The following SH3BP5 variants were observed in gnomAD, a reference collection of about 807,000 sequenced individuals.
SH3BP5 encodes SH3 domain binding protein 5.
Under a neutral mutation model 43.3 loss-of-function variants are expected in SH3BP5, and 22 were observed. The observed-to-expected ratio is 0.51, with a 90% confidence interval of 0.36 to 0.73. The LOEUF (loss-of-function observed/expected upper bound fraction) is 0.73. Ranked by LOEUF, SH3BP5 falls within the 30% of genes least tolerant of loss-of-function variation. SH3BP5 has a pLI of 0.00. For missense variants in SH3BP5, 529 were observed against 586.9 expected (o/e 0.90, Z 1.02); for synonymous variants, 255 against 225.8 (o/e 1.13, Z -1.16).
intron 4 of SH3BP5, among the ~76,000 whole-genome samples, chr3:15,265,561 A>ACACAC (rs1553613901): frequency 5.6e-4 from 25 of 44,498 alleles, no homozygotes; most frequent in Admixed American, 3.2e-3. Context: ...CACACACACA[A>ACACAC]CCCTCCAGCT....
chr3:15,337,865 A>C (rs1698720303), intron 1 of SH3BP5, among the ~76,000 whole-genome samples: 2 of 141,390 alleles, frequency 1.4e-5, no homozygotes, highest in African/African-American at 5.4e-5. Context: ...CAGTGAACTA[A>C]GGAAGTGCCA....
rs28529222 is a variant in SH3BP5, at chr3:15,261,636, G to A, written c.626+523C>T. On this transcript the variant is annotated intron_variant, in intron 5 of 8. Coordinates refer to ENST00000383791, the MANE Select transcript of SH3BP5 (RefSeq NM_004844.5). Reference sequence around the variant, plus strand: ...TGTCCCCAAGAGAGGGTACACAGTTGTGCCTGCCCACCATTATCAATGTTG... The same window carrying A: ...TGTCCCCAAGAGAGGGTACACAGTTATGCCTGCCCACCATTATCAATGTTG... Among the ~76,000 whole-genome samples, 1,513 of 151,990 alleles carry A rather than the reference G, an allele frequency of 1.0e-2. 20 individuals carry two copies. The highest frequency in any genetic ancestry group is 0.035 in the African/African-American group (1,435 of 41,432).
intron 3 of SH3BP5, among the ~76,000 whole-genome samples, chr3:15,274,942 G>A (rs544265987): frequency 1.7e-4 from 26 of 152,302 alleles, no homozygotes; most frequent in African/African-American, 6.3e-4. Flanking sequence ...ATGAGCAACA[G>A]CCTCCATGAT....
At chr3:15,314,894 C>A (rs1698148699) in intron 2 of SH3BP5, among the ~76,000 whole-genome samples, 2 of 152,154 alleles carry the variant, frequency 1.3e-5, no homozygotes, top group African/African-American at 4.8e-5. Flanking sequence ...TCAGCCAGAC[C>A]TGCTACTTCC....
At chr3:15,258,174 T>G (rs1696291741) in intron 7 of SH3BP5, 1 of 152,196 alleles carries the variant, frequency 6.6e-6, no homozygotes, top group African/African-American at 2.4e-5. Flanking sequence ...CGACAGGGAT[T>G]ATTGCACAGG....
At chr3:15,316,923 T>G (rs542372910) in intron 2 of SH3BP5, among the ~76,000 whole-genome samples, 1 of 152,358 alleles carries the variant, frequency 6.6e-6, no homozygotes, top group Non-Finnish European at 1.5e-5. Context: ...GGGGACCCAG[T>G]GCTTTTTCAT....
chr3:15,329,731 G>A (rs913993869), intron 2 of SH3BP5, among the ~76,000 whole-genome samples: 3 of 152,208 alleles, frequency 2.0e-5, no homozygotes, highest in African/African-American at 4.8e-5. Context: ...GGGAAACTGC[G>A]CTGAGAGTCC....
At chr3:15,274,640 C>A (rs1192732421) in intron 3 of SH3BP5, among the ~76,000 whole-genome samples, 2 of 152,160 alleles carry the variant, frequency 1.3e-5, no homozygotes, top group Non-Finnish European at 2.9e-5. Flanking sequence ...ACTACAGGTC[C>A]ATGCCACCAC....
rs1375017277 is a variant in SH3BP5 at position 15,254,789 on chromosome 3, AG to A, written c.*1296del. The A allele has an allele frequency of 6.6e-6, 1 of 152,222 alleles. No individual in the cohort carries two copies. The highest frequency in any genetic ancestry group is 2.4e-5 in the African/African-American group (1 of 41,460). 9.4% of individuals were successfully genotyped at this position (152,222 alleles called of 1,614,324 possible). Reference sequence around the variant, plus strand: ...ACTCCATGCTCTTCCTTATGGAAAAAGGGTTGCCTAGAAGATTTAGGCAATA... The same window carrying A: ...ACTCCATGCTCTTCCTTATGGAAAAAGGTTGCCTAGAAGATTTAGGCAATA... On this transcript the variant is annotated 3_prime_UTR_variant, in exon 9 of 9. Coordinates refer to ENST00000383791, the MANE Select transcript of SH3BP5 (RefSeq NM_004844.5).
chr3:15,287,317 T>C (rs1697292299), intron 3 of SH3BP5, among the ~76,000 whole-genome samples: 2 of 152,224 alleles, frequency 1.3e-5, no homozygotes, highest in Admixed American at 6.5e-5. Flanking sequence ...CCCATGCACA[T>C]GTCTGTTTTC....
chr3:15,329,466 A>C (rs75901608), intron 2 of SH3BP5, among the ~76,000 whole-genome samples: 8,408 of 152,304 alleles, frequency 0.055, 335 homozygotes, highest in South Asian at 0.15. Flanking sequence ...CCTACGATGG[A>C]AATGGAGGTG....
intron 2 of SH3BP5, among the ~76,000 whole-genome samples, chr3:15,305,269 A>G (rs7340558): frequency 0.65 from 98,227 of 152,128 alleles, 32,831 homozygotes; most frequent in East Asian, 0.83. Flanking sequence ...TCAGAGACAT[A>G]GATTCAACAC....
intron 1 of SH3BP5, 56 bp from the exon 2 acceptor site, chr3:15,330,622 A>T (rs116839273): frequency 6.8e-7 from 1 of 1,469,398 alleles, no homozygotes; most frequent in Non-Finnish European, 9.1e-7. Context: ...TTTGTTTCCA[A>T]TATAACTCAG....
chr3:15,322,995 C>T (rs912066669), intron 2 of SH3BP5, among the ~76,000 whole-genome samples: 4 of 152,066 alleles, frequency 2.6e-5, no homozygotes, highest in African/African-American at 7.2e-5. Flanking sequence ...AAAAATTAGC[C>T]GGGTGTGGTG....
intron 3 of SH3BP5, chr3:15,273,211 C>T (rs112330263): frequency 7.1e-6 from 7 of 985,306 alleles, no homozygotes; most frequent in African/African-American, 7.0e-5. Flanking sequence ...TTTAGTATTT[C>T]AATTCAGCAA....
intron 3 of SH3BP5, among the ~76,000 whole-genome samples, chr3:15,303,065 C>T (rs1257308698): frequency 1.3e-5 from 2 of 152,170 alleles, no homozygotes; most frequent in African/African-American, 2.4e-5. Flanking sequence ...ACCAAGTGAT[C>T]GGCCTCCCAG....
intron 8 of SH3BP5, 126 bp from the exon 9 acceptor site, chr3:15,256,429 T>C (rs1696202983): frequency 6.9e-6 from 7 of 1,019,020 alleles, no homozygotes; most frequent in Non-Finnish European, 1.0e-5. Flanking sequence ...ACCAGTCAGC[T>C]AACTCAGCCC....
intron 7 of SH3BP5, chr3:15,258,599 A>AG: frequency 1.8e-6 from 1 of 560,204 alleles, no homozygotes; most frequent in East Asian, 3.0e-5. Context: ...AAGAGGAGTG[A>AG]AGGTGTAACA....
At chr3:15,270,532 G>A (rs983977231) in intron 3 of SH3BP5, among the ~76,000 whole-genome samples, 4 of 152,098 alleles carry the variant, frequency 2.6e-5, no homozygotes, top group East Asian at 1.9e-4. Flanking sequence ...AACACAACAC[G>A]GTCCCTGCTT....
Sources: allele counts gnomAD v4.1 joint callset (sites outside exome capture counted in the v4.1 genomes callset), GRCh38; gene constraint gnomAD v4.1.1; transcripts MANE v1.5; gene names NCBI Gene and HGNC (gene_info 2026-07-23, HGNC 2026-07-21).